Variants in CASP6 observed in about 807,000 individuals in gnomAD.
CASP6 encodes caspase-6.
A neutral mutation model predicts 31.8 loss-of-function variants in CASP6; 20 were observed. The observed-to-expected ratio is 0.63, with a 90% CI of 0.44 to 0.91. The LOEUF is 0.91. Ranked by LOEUF, CASP6 falls within the 40% of genes least tolerant of loss-of-function variation. The probability of loss-of-function intolerance (pLI) is 0.00; values close to 1 mark genes in which losing one functional copy is unlikely to be tolerated. For synonymous variants in CASP6, 130 were observed against 127.8 expected, an observed-to-expected ratio of 1.02 and a Z score of -0.12; for missense variants, 328 against 361.1, an observed-to-expected ratio of 0.91 and a Z score of 0.74.
the CASP6 span, among the ~76,000 whole-genome samples, chr4:109,675,005 T>C: frequency 1.3e-5 from 2 of 152,260 alleles, no homozygotes; most frequent in Non-Finnish European, 2.9e-5. Context: ...GCTATCACAC[T>C]TGTGAAATTC....
intron 3 of CASP6, among the ~76,000 whole-genome samples, chr4:109,697,001 T>C (rs1730265212): frequency 6.6e-6 from 1 of 151,842 alleles, no homozygotes; most frequent in African/African-American, 2.4e-5. Context: ...TTAGCCAGGA[T>C]GGTCTCAATC....
chr4:109,674,811 AT>A, the CASP6 span, among the ~76,000 whole-genome samples: 1 of 152,266 alleles, frequency 6.6e-6, no homozygotes, highest in Non-Finnish European at 1.5e-5. Flanking sequence ...AAATAGAAAT[AT>A]GTATTTTAAG....
chr4:109,700,472 T>C (rs1453655321), intron 1 of CASP6, among the ~76,000 whole-genome samples: 1 of 152,212 alleles, frequency 6.6e-6, no homozygotes, highest in Non-Finnish European at 1.5e-5. Flanking sequence ...TAGTGTGCTA[T>C]GACTGCCCCT....
upstream of CASP6, among the ~76,000 whole-genome samples, chr4:109,707,103 T>C (rs182639469): frequency 2.1e-3 from 323 of 152,334 alleles, no homozygotes; most frequent in African/African-American, 7.5e-3. Flanking sequence ...GGTATATACA[T>C]TATTTTTTTA....
chr4:109,703,634 G>GAGGT, upstream of CASP6: 1 of 566,338 alleles, frequency 1.8e-6, no homozygotes, highest in Non-Finnish European at 3.1e-6. Flanking sequence ...GGGGCAGGGA[G>GAGGT]AGGTACGCGG....
chr4:109,677,970 T>G, the CASP6 span, among the ~76,000 whole-genome samples: 1 of 151,940 alleles, frequency 6.6e-6, no homozygotes, highest in Admixed American at 6.6e-5. Flanking sequence ...TGCGGCCTTC[T>G]GCAGTGTTTG....
At chr4:109,670,015 C>T in the CASP6 span, among the ~76,000 whole-genome samples, 7 of 152,202 alleles carry the variant, frequency 4.6e-5, no homozygotes. Context: ...CCATGTCTGG[C>T]TCTCGTTCTG....
At chr4:109,707,979 G>T (rs998895901), upstream of CASP6, among the ~76,000 whole-genome samples, 3 of 152,094 alleles carry the variant, frequency 2.0e-5, no homozygotes, top group East Asian at 5.8e-4. Context: ...TCTGGACCTT[G>T]TAATTTTAAA....
chr4:109,680,760 A>C, the CASP6 span, among the ~76,000 whole-genome samples: 3 of 152,206 alleles, frequency 2.0e-5, no homozygotes, highest in African/African-American at 4.8e-5. Context: ...TACTGGGCTG[A>C]TACCAACTCT....
intron 5 of CASP6, 58 bp from the exon 6 acceptor site, chr4:109,691,067 A>C (rs1730040902): frequency 1.3e-6 from 2 of 1,545,898 alleles, no homozygotes; most frequent in Non-Finnish European, 1.7e-6. Flanking sequence ...CCCAGTGCTT[A>C]ATGTGTGCAG....
intron 6 of CASP6, 38 bp downstream of exon 6, chr4:109,690,812 A>G (rs770068396): frequency 1.1e-5 from 17 of 1,559,490 alleles, no homozygotes; most frequent in Middle Eastern, 1.7e-4. Context: ...ACCTTAGCCA[A>G]GAGAGGCAAT....
the CASP6 span, chr4:109,682,934 C>T: frequency 6.2e-5 from 32 of 512,466 alleles, no homozygotes; most frequent in Admixed American, 1.7e-4. Flanking sequence ...AGAGCTGTAT[C>T]GCTAATACAT....
At chr4:109,708,647 C>T in the CASP6 span, among the ~76,000 whole-genome samples, 6 of 152,146 alleles carry the variant, frequency 3.9e-5, no homozygotes, top group Non-Finnish European at 8.8e-5. Flanking sequence ...AGTTGGCTGA[C>T]GTTCTACTTA....
upstream of CASP6, among the ~76,000 whole-genome samples, chr4:109,704,040 G>A (rs988641309): frequency 2.6e-5 from 4 of 152,092 alleles, no homozygotes; most frequent in Admixed American, 2.6e-4. Context: ...ATAAAGGAAG[G>A]GGAAATTAAT....
chr4:109,694,146 T>C (rs1012148527), intron 5 of CASP6, among the ~76,000 whole-genome samples: 2 of 152,236 alleles, frequency 1.3e-5, no homozygotes, highest in African/African-American at 4.8e-5. Flanking sequence ...TTTTCCATTC[T>C]TTCCACTGGT....
At chr4:109,669,974 AG>A in the CASP6 span, among the ~76,000 whole-genome samples, 1 of 152,204 alleles carries the variant, frequency 6.6e-6, no homozygotes, top group South Asian at 2.1e-4. Context: ...AGTTATTTCA[AG>A]TTGCTAGTCC....
downstream of CASP6, chr4:109,684,539 TG>T: frequency 1.2e-6 from 2 of 1,612,888 alleles, no homozygotes; most frequent in Non-Finnish European, 1.7e-6. Context: ...GGCACTGGCC[TG>T]GCTCACGTGG....
At chr4:109,672,899 T>A in the CASP6 span, among the ~76,000 whole-genome samples, 1 of 152,232 alleles carries the variant, frequency 6.6e-6, no homozygotes, top group South Asian at 2.1e-4. Context: ...ACCTTGTACC[T>A]ATCATGTCCC....
chr4:109,685,236 CTCT>C (rs776559540), downstream of CASP6: 6 of 928,706 alleles, frequency 6.5e-6, no homozygotes, highest in African/African-American at 2.0e-4. Context: ...TCTTCTCTCT[CTCT>C]TTTTTTTTAA....
Sources: allele counts gnomAD v4.1 joint callset (sites outside exome capture counted in the v4.1 genomes callset), GRCh38; gene constraint gnomAD v4.1.1; transcripts MANE v1.5; gene names NCBI Gene and HGNC (gene_info 2026-07-23, HGNC 2026-07-21).